ZPBP: variants seen among roughly 807,000 people sequenced by gnomAD.
ZPBP encodes zona pellucida-binding protein 1.
Under a neutral mutation model 44.8 loss-of-function variants are expected in ZPBP, and 26 were observed. That is an observed-to-expected ratio of 0.58 (90% confidence interval 0.43 to 0.81). The LOEUF (loss-of-function observed/expected upper bound fraction) is 0.81, where lower values mean the gene tolerates loss of function less well. Ranked by LOEUF, ZPBP falls within the 30% of genes least tolerant of loss-of-function variation. The probability of loss-of-function intolerance (pLI) is 0.00; values close to 1 mark genes in which losing one functional copy is unlikely to be tolerated. For missense variants in ZPBP, 409 were observed against 434.0 expected (o/e 0.94, Z 0.51); for synonymous variants, 174 against 153.2 (o/e 1.14, Z -1.00).
intron 7 of ZPBP, chr7:49,943,574 C>A: frequency 2.7e-6 from 1 of 375,656 alleles, no homozygotes; most frequent in South Asian, 2.4e-5. Flanking sequence ...CGAAAGGGGT[C>A]AGTAAGACTT....
chr7:50,090,019 G>GT (rs1802870716), intron 1 of ZPBP, among the ~76,000 whole-genome samples: 1 of 151,942 alleles, frequency 6.6e-6, no homozygotes, highest in African/African-American at 2.4e-5. Context: ...TTCAAACCTC[G>GT]TTTGTCCTTA....
At chr7:50,019,382 A>G (rs1798975099) in intron 5 of ZPBP, among the ~76,000 whole-genome samples, 1 of 152,104 alleles carries the variant, frequency 6.6e-6, no homozygotes, top group African/African-American at 2.4e-5. Context: ...GGGCCTCCTT[A>G]AGTGTTCATC....
chr7:50,076,548 T>C (rs1016461408), intron 3 of ZPBP, among the ~76,000 whole-genome samples: 2 of 151,562 alleles, frequency 1.3e-5, no homozygotes, highest in African/African-American at 2.4e-5. Flanking sequence ...TTATAACCAA[T>C]AAGCAAGTAA....
chr7:50,074,012 A>T (rs1801964908), intron 3 of ZPBP, among the ~76,000 whole-genome samples: 1 of 152,094 alleles, frequency 6.6e-6, no homozygotes, highest in Non-Finnish European at 1.5e-5. Flanking sequence ...ATATTACAAC[A>T]CTGTAACTGT....
the ZPBP span, among the ~76,000 whole-genome samples, chr7:49,841,969 C>T: frequency 5.3e-5 from 8 of 152,008 alleles, no homozygotes; most frequent in Non-Finnish European, 7.4e-5. Context: ...TGGGTTCAAG[C>T]GATTCTCCTG....
chr7:49,866,871 C>T (rs1055393405), intron 2 of ZPBP, among the ~76,000 whole-genome samples: 1 of 152,194 alleles, frequency 6.6e-6, no homozygotes, highest in African/African-American at 2.4e-5. Flanking sequence ...ATGCCTGAGG[C>T]GGGAACATGC....
chr7:50,002,057 T>G (rs1209136821), intron 6 of ZPBP, among the ~76,000 whole-genome samples: 2 of 152,114 alleles, frequency 1.3e-5, no homozygotes, highest in African/African-American at 2.4e-5. Flanking sequence ...GACAGTGTAT[T>G]AGTCTGTTCT....
chr7:49,849,351 A>G (rs1562729908), downstream of ZPBP, among the ~76,000 whole-genome samples: 1 of 152,222 alleles, frequency 6.6e-6, no homozygotes, highest in Non-Finnish European at 1.5e-5. Flanking sequence ...AGCACTGGAA[A>G]TTAGATGGCT....
At chr7:49,952,099 G>A (rs770093828) in intron 7 of ZPBP, among the ~76,000 whole-genome samples, 3 of 151,816 alleles carry the variant, frequency 2.0e-5, no homozygotes, top group Non-Finnish European at 4.4e-5. Flanking sequence ...TAATAAGTAC[G>A]GGGTTTCCTT....
chr7:49,858,704 A>G (rs1008751364), intron 2 of ZPBP, among the ~76,000 whole-genome samples: 21 of 150,098 alleles, frequency 1.4e-4, no homozygotes, highest in African/African-American at 5.3e-4. Flanking sequence ...AAGTATAATA[A>G]TAATAAAAAA....
At chr7:49,959,168 C>G (rs1795738682) in intron 7 of ZPBP, among the ~76,000 whole-genome samples, 1 of 151,096 alleles carries the variant, frequency 6.6e-6, no homozygotes, top group South Asian at 2.1e-4. Flanking sequence ...AGAGTTATTG[C>G]TTTTCCTCTA....
At chr7:49,982,427 ATTTG>A (rs1482546058) in intron 7 of ZPBP, among the ~76,000 whole-genome samples, 3 of 142,918 alleles carry the variant, frequency 2.1e-5, no homozygotes, top group Non-Finnish European at 3.0e-5. Flanking sequence ...GTTGGAAGTC[ATTTG>A]TTTAATTTGT....
intron 3 of ZPBP, among the ~76,000 whole-genome samples, chr7:50,071,459 T>C (rs1801829632): frequency 6.6e-6 from 1 of 152,040 alleles, no homozygotes; most frequent in Non-Finnish European, 1.5e-5. Flanking sequence ...AAAACATAGG[T>C]GAGTCCTAGT....
chr7:49,981,651 T>TATTATATAA (rs1562820427), intron 7 of ZPBP, among the ~76,000 whole-genome samples: 3 of 46,654 alleles, frequency 6.4e-5, no homozygotes, highest in African/African-American at 3.6e-4. Flanking sequence ...ATATAATATC[T>TATTATATAA]TGATATAAAA....
intron 2 of ZPBP, among the ~76,000 whole-genome samples, chr7:49,870,377 G>C (rs2128723047): frequency 6.6e-6 from 1 of 152,298 alleles, no homozygotes; most frequent in East Asian, 1.9e-4. Context: ...TCCACCCTGG[G>C]TGACGCAGTG....
At chr7:49,874,910 G>A (rs6952121) in intron 2 of ZPBP, among the ~76,000 whole-genome samples, 106,692 of 151,956 alleles carry the variant, frequency 0.7, 37,936 homozygotes, top group East Asian at 0.88. Context: ...ATGAGAGAGT[G>A]AGATTCTTGG....
intron 5 of ZPBP, among the ~76,000 whole-genome samples, chr7:50,027,791 T>C (rs917722105): frequency 6.6e-6 from 1 of 151,994 alleles, no homozygotes; most frequent in Non-Finnish European, 1.5e-5. Flanking sequence ...TAAACCATTG[T>C]AGGCCAATAA....
At chr7:49,859,790 G>GCGCA (rs765470720) in intron 2 of ZPBP, among the ~76,000 whole-genome samples, 44 of 12,022 alleles carry the variant, frequency 3.7e-3, no homozygotes, top group Non-Finnish European at 4.3e-3. Context: ...GCGCGTGCGT[G>GCGCA]CACACACACA....
intron 7 of ZPBP, among the ~76,000 whole-genome samples, chr7:49,980,194 TTA>T (rs1437568866): frequency 1.6e-4 from 19 of 115,758 alleles, no homozygotes; most frequent in Non-Finnish European, 2.6e-4. Flanking sequence ...TTAAATTGTA[TTA>T]TGTTATATGT....
Sources: gnomAD v4.1 joint callset for allele counts (sites outside exome capture counted in the v4.1 genomes callset) on GRCh38, gnomAD v4.1.1 for gene constraint, MANE v1.5 for transcripts, NCBI Gene and HGNC (gene_info 2026-07-23, HGNC 2026-07-21) for gene names.